Variants in PDE10A observed in about 807,000 individuals in gnomAD.
PDE10A encodes cAMP and cAMP-inhibited cGMP 3',5'-cyclic phosphodiesterase 10A.
In PDE10A, 39 loss-of-function variants were observed where a neutral mutation model predicts 97.7. That is an observed-to-expected ratio of 0.40 (90% CI 0.31 to 0.52). The LOEUF is 0.52. Ranked by LOEUF, PDE10A falls within the 20% of genes least tolerant of loss-of-function variation. The pLI is 0.56. For synonymous variants in PDE10A, 371 were observed against 376.8 expected, an observed-to-expected ratio of 0.98 and a Z score of 0.18; for missense variants, 731 against 1,047.8, an observed-to-expected ratio of 0.70 and a Z score of 4.17.
intron 1 of PDE10A, among the ~76,000 whole-genome samples, chr6:165,957,967 C>T (rs757329697): frequency 6.6e-5 from 10 of 152,168 alleles, no homozygotes; most frequent in African/African-American, 1.2e-4. Flanking sequence ...GCGGTGGTTC[C>T]CCAGCAGTGG....
At position 165,328,345 on chromosome 6, in the gene PDE10A, G is replaced by A. The variant is rs1046665196; in HGVS notation, c.*4680C>T. 1 of 152,184 alleles carries A rather than the reference G, an allele frequency of 6.6e-6. No homozygotes were observed. The highest frequency in any genetic ancestry group is 2.4e-5 in the African/African-American group (1 of 41,452). The allele number at this position is 152,184 out of a possible 1,614,324, so 9.4% of individuals were successfully genotyped here. On this transcript the variant is annotated 3_prime_UTR_variant, in exon 22 of 22. Transcript: ENST00000539869. ...TAGAGTATCAGATTATACACTTTTA[G>A]AACCTAACTTACAATAGAAACAAAA...
At chr6:165,641,209 TAA>T (rs1304516721) in intron 1 of PDE10A, among the ~76,000 whole-genome samples, 1 of 152,156 alleles carries the variant, frequency 6.6e-6, no homozygotes, top group East Asian at 1.9e-4. Context: ...AAAAAAATGT[TAA>T]AAGTCATAAG....
At chr6:165,754,118 A>G (rs143480825) in intron 1 of PDE10A, 5 of 152,340 alleles carry the variant, frequency 3.3e-5, no homozygotes, top group Admixed American at 6.5e-5. Flanking sequence ...CCTGATGTGC[A>G]TACGATCACC....
Position 165,705,759 on chromosome 6 carries a change from T to C in PDE10A, c.-614-162191A>G, listed in dbSNP as rs115349250. On this transcript the variant is annotated intron_variant, in intron 1 of 19. Coordinates refer to the PDE10A transcript ENST00000366882. ...AATCTATTTTTAAAAAAAGATGCCA[T>C]GACTTTAAAAATATTACCATCATCT... is the stretch of plus-strand genomic sequence containing the variant. Among the ~76,000 whole-genome samples, 811 of 152,328 alleles carry C rather than the reference T, an allele frequency of 5.3e-3. 6 individuals are homozygous for C. Among genetic ancestry groups the C allele is most frequent in the African/African-American group, 0.018 (763 of 41,554 alleles).
intron 1 of PDE10A, among the ~76,000 whole-genome samples, chr6:165,884,924 G>A (rs1472288149): frequency 6.6e-6 from 1 of 152,198 alleles, no homozygotes; most frequent in African/African-American, 2.4e-5. Context: ...AGGGAAGAAG[G>A]GAGCAGTGGC....
At chr6:165,892,673 G>A (rs1457348980) in intron 1 of PDE10A, among the ~76,000 whole-genome samples, 6 of 152,074 alleles carry the variant, frequency 3.9e-5, no homozygotes, top group Non-Finnish European at 5.9e-5. Context: ...CTCCCTCCCC[G>A]GCCCTGACCC....
At chr6:165,649,634 G>A (rs923998031) in intron 1 of PDE10A, among the ~76,000 whole-genome samples, 1 of 152,096 alleles carries the variant, frequency 6.6e-6, no homozygotes, top group Admixed American at 6.5e-5. Context: ...GAGGTGCAGG[G>A]GTGCCCACTG....
chr6:165,836,635 G>A (rs1780070407), intron 1 of PDE10A, among the ~76,000 whole-genome samples: 1 of 152,212 alleles, frequency 6.6e-6, no homozygotes, highest in South Asian at 2.1e-4. Flanking sequence ...TGCGGTCAGT[G>A]ATATCTGGGG....
At chr6:165,855,993 A>G (rs538482907) in intron 1 of PDE10A, among the ~76,000 whole-genome samples, 35 of 152,290 alleles carry the variant, frequency 2.3e-4, no homozygotes, top group African/African-American at 7.7e-4. Context: ...AATTCTATCT[A>G]AAACTTTCTT....
intron 2 of PDE10A, among the ~76,000 whole-genome samples, chr6:165,540,655 T>C (rs116296892): frequency 0.019 from 2,937 of 152,226 alleles, 92 homozygotes; most frequent in African/African-American, 0.065. Context: ...TTTTGTTTGT[T>C]TGGTTGCTCT....
intron 1 of PDE10A, among the ~76,000 whole-genome samples, chr6:165,706,889 C>T (rs1240122358): frequency 6.6e-6 from 1 of 152,130 alleles, no homozygotes; most frequent in Non-Finnish European, 1.5e-5. Context: ...CAAGCCCATC[C>T]CTATCAGCAT....
intron 1 of PDE10A, among the ~76,000 whole-genome samples, chr6:165,958,747 G>GAAAGAAAGAA (rs10654760): frequency 0.16 from 17,051 of 105,834 alleles, 2,209 homozygotes; most frequent in East Asian, 0.19. Context: ...AAGAAAGAAA[G>GAAAGAAAGAA]AGAAAGAAAG....
At chr6:165,838,651 G>T (rs1780131860) in intron 1 of PDE10A, among the ~76,000 whole-genome samples, 1 of 152,178 alleles carries the variant, frequency 6.6e-6, no homozygotes, top group Non-Finnish European at 1.5e-5. Context: ...GAATATTTTT[G>T]TTGCATTGGA....
chr6:165,894,654 G>A (rs775346253), intron 1 of PDE10A: 10 of 403,180 alleles, frequency 2.5e-5, no homozygotes, highest in Non-Finnish European at 4.5e-5. Context: ...CCGAGCATGG[G>A]GCTGGCCACA....
intron 1 of PDE10A, among the ~76,000 whole-genome samples, chr6:165,595,836 A>C (rs188341052): frequency 3.4e-4 from 52 of 152,246 alleles, no homozygotes; most frequent in African/African-American, 1.1e-3. Flanking sequence ...TCAGAGCATT[A>C]ATTAATCCCA....
intron 1 of PDE10A, among the ~76,000 whole-genome samples, chr6:165,574,824 A>C (rs73786642): frequency 3.3e-5 from 5 of 152,258 alleles, no homozygotes; most frequent in Admixed American, 3.3e-4. Flanking sequence ...ATATTACATT[A>C]TAACTGTTTA....
chr6:165,791,452 C>A (rs1200175944), intron 1 of PDE10A, among the ~76,000 whole-genome samples: 1 of 152,266 alleles, frequency 6.6e-6, no homozygotes, highest in East Asian at 1.9e-4. Flanking sequence ...GTTGTCTCTG[C>A]ATCTTGGCTA....
At chr6:165,757,918 A>G (rs1468719493) in intron 1 of PDE10A, among the ~76,000 whole-genome samples, 1 of 152,136 alleles carries the variant, frequency 6.6e-6, no homozygotes, top group Non-Finnish European at 1.5e-5. Context: ...ATTGTGTTTG[A>G]TTTCTAATTT....
chr6:165,902,142 G>A (rs1051046358), intron 1 of PDE10A, among the ~76,000 whole-genome samples: 1 of 152,208 alleles, frequency 6.6e-6, no homozygotes, highest in African/African-American at 2.4e-5. Context: ...GATCACATAT[G>A]CAGATTAGAT....
Sources: allele counts gnomAD v4.1 joint callset (sites outside exome capture counted in the v4.1 genomes callset), GRCh38; gene constraint gnomAD v4.1.1; transcripts MANE v1.5; gene names NCBI Gene and HGNC (gene_info 2026-07-23, HGNC 2026-07-21).